RRAS2: variants seen among roughly 807,000 people sequenced by gnomAD.
RRAS2 encodes RAS related 2.
Under a neutral mutation model 27.6 loss-of-function variants are expected in RRAS2, and 7 were observed. The observed-to-expected ratio is 0.25, with a 90% CI of 0.14 to 0.48. RRAS2 has a LOEUF of 0.48. Ranked by LOEUF, RRAS2 falls within the 20% of genes least tolerant of loss-of-function variation. The pLI is 0.99. For missense variants in RRAS2, 178 were observed against 256.2 expected (o/e 0.69, Z 2.08); for synonymous variants, 86 against 90.9 (o/e 0.95, Z 0.31).
chr11:14,363,308 G>A (rs542427543), upstream of RRAS2, among the ~76,000 whole-genome samples: 2 of 152,268 alleles, frequency 1.3e-5, no homozygotes, highest in South Asian at 4.1e-4. Flanking sequence ...CGAAGGATGT[G>A]CTTCCAAATC....
At chr11:14,322,712 A>G (rs1164706769) in intron 1 of RRAS2, among the ~76,000 whole-genome samples, 1 of 152,244 alleles carries the variant, frequency 6.6e-6, no homozygotes, top group African/African-American at 2.4e-5. Context: ...ATTTATCTTG[A>G]ACTTATTAGG....
chr11:14,346,962 T>C (rs1485296239), intron 1 of RRAS2, among the ~76,000 whole-genome samples: 1 of 151,990 alleles, frequency 6.6e-6, no homozygotes, highest in African/African-American at 2.4e-5. Context: ...TAAGACTAGC[T>C]TGGGCAACAA....
chr11:14,345,234 A>G (rs1349272765), intron 1 of RRAS2, among the ~76,000 whole-genome samples: 1 of 151,822 alleles, frequency 6.6e-6, no homozygotes, highest in Non-Finnish European at 1.5e-5. Context: ...GATCTGCCCT[A>G]CTCAGCCTCC....
intron 4 of RRAS2, among the ~76,000 whole-genome samples, chr11:14,293,218 T>G (rs1350661933): frequency 6.8e-6 from 1 of 146,206 alleles, no homozygotes; most frequent in Non-Finnish European, 1.5e-5. Flanking sequence ...AAATTTTATG[T>G]ACACAGCTAA....
At chr11:14,350,117 AT>A (rs1176240402) in intron 1 of RRAS2, among the ~76,000 whole-genome samples, 1 of 152,032 alleles carries the variant, frequency 6.6e-6, no homozygotes, top group Non-Finnish European at 1.5e-5. Context: ...ATACATACGT[AT>A]TTTCTTATTT....
chr11:14,331,492 T>C (rs1486148778), intron 1 of RRAS2, among the ~76,000 whole-genome samples: 1 of 151,780 alleles, frequency 6.6e-6, no homozygotes, highest in African/African-American at 2.4e-5. Flanking sequence ...TAGAAAAAAA[T>C]AGTTAACAAA....
At chr11:14,327,940 A>C (rs1051594968) in intron 1 of RRAS2, among the ~76,000 whole-genome samples, 11 of 152,238 alleles carry the variant, frequency 7.2e-5, no homozygotes, top group Admixed American at 6.5e-4. Flanking sequence ...AACACAAAGA[A>C]GCCAAACTTA....
chr11:14,281,513 G>C (rs1222118307), intron 5 of RRAS2, 89 bp downstream of exon 5: 10 of 1,032,034 alleles, frequency 9.7e-6, no homozygotes, highest in Non-Finnish European at 1.4e-5. Flanking sequence ...TTAATCCCTA[G>C]AAAGGAATCA....
At position 14,313,271 on chromosome 11, in the gene RRAS2, A is replaced by T. The variant is rs190567538; in HGVS notation, c.109-17416T>A. On this transcript the variant is annotated intron_variant, in intron 1 of 5. Transcript: ENST00000256196. ...AATTATAGCTTGTCTGTATGTGCTC[A>T]GCCTAATTCATAGTAAAAGAATGCC... Among the ~76,000 whole-genome samples the T allele has an allele frequency of 8.9e-4, 136 of 152,380 alleles. 1 individual carries two copies. Among genetic ancestry groups the T allele is most frequent in the Middle Eastern group, 3.4e-3 (1 of 294 alleles).
upstream of RRAS2, among the ~76,000 whole-genome samples, chr11:14,362,275 C>T (rs1849200253): frequency 6.6e-6 from 1 of 152,192 alleles, no homozygotes; most frequent in South Asian, 2.1e-4. Flanking sequence ...TGCAAGGTTT[C>T]ATTTGAACTG....
chr11:14,334,211 T>C (rs921378152), intron 1 of RRAS2, among the ~76,000 whole-genome samples: 3 of 152,222 alleles, frequency 2.0e-5, no homozygotes, highest in Non-Finnish European at 4.4e-5. Context: ...CCCATAACTT[T>C]ACCTATAACA....
chr11:14,356,223 G>A (rs1554955401), intron 1 of RRAS2, among the ~76,000 whole-genome samples: 1 of 152,082 alleles, frequency 6.6e-6, no homozygotes, highest in Non-Finnish European at 1.5e-5. Context: ...TTTTTGCAGA[G>A]ACCAGATCAC....
intron 1 of RRAS2, among the ~76,000 whole-genome samples, chr11:14,348,447 AACTGTTATAATTGCC>A (rs1337660186): frequency 6.6e-6 from 1 of 152,196 alleles, no homozygotes; most frequent in African/African-American, 2.4e-5. Flanking sequence ...TACTTAAATC[AACTGTTATAATTGCC>A]AAAAGGCAAC....
chr11:14,311,511 C>T (rs1434138645), intron 1 of RRAS2, among the ~76,000 whole-genome samples: 5 of 152,000 alleles, frequency 3.3e-5, no homozygotes, highest in South Asian at 2.1e-4. Flanking sequence ...GGATTACAGG[C>T]ACGTGCCAAC....
intron 4 of RRAS2, among the ~76,000 whole-genome samples, chr11:14,291,730 T>C (rs1039803797): frequency 3.3e-5 from 5 of 151,892 alleles, no homozygotes; most frequent in African/African-American, 9.7e-5. Flanking sequence ...TCCAATGATA[T>C]ACAAACAAAG....
chr11:14,314,944 C>T (rs1291616061), intron 1 of RRAS2, among the ~76,000 whole-genome samples: 2 of 152,192 alleles, frequency 1.3e-5, no homozygotes, highest in African/African-American at 4.8e-5. Context: ...GCCTCAGCCT[C>T]CCAAAGTGCT....
chr11:14,309,323 C>A (rs1296977746), intron 1 of RRAS2, among the ~76,000 whole-genome samples: 2 of 152,184 alleles, frequency 1.3e-5, no homozygotes, highest in African/African-American at 4.8e-5. Context: ...AGAATCTTCC[C>A]TAGGCTCACT....
At chr11:14,297,839 G>A (rs909888758) in intron 1 of RRAS2, among the ~76,000 whole-genome samples, 7 of 152,024 alleles carry the variant, frequency 4.6e-5, no homozygotes, top group African/African-American at 1.7e-4. Flanking sequence ...AATCCTATTT[G>A]TTTTTTGATG....
At chr11:14,292,411 G>C (rs1485357434) in intron 4 of RRAS2, among the ~76,000 whole-genome samples, 1 of 152,122 alleles carries the variant, frequency 6.6e-6, no homozygotes, top group African/African-American at 2.4e-5. Context: ...AAGTCAGCGA[G>C]AGATAGGAAG....
Sources: gnomAD v4.1 joint callset for allele counts (sites outside exome capture counted in the v4.1 genomes callset) on GRCh38, gnomAD v4.1.1 for gene constraint, MANE v1.5 for transcripts, NCBI Gene and HGNC (gene_info 2026-07-23, HGNC 2026-07-21) for gene names.